TBXAS1: variants seen among roughly 807,000 people sequenced by gnomAD.
The protein encoded by TBXAS1 is thromboxane-A synthase.
A neutral mutation model predicts 60.7 loss-of-function variants in TBXAS1; 48 were observed. The observed-to-expected ratio is 0.79, with a 90% confidence interval of 0.63 to 1.01. The LOEUF (loss-of-function observed/expected upper bound fraction) is 1.01. Among genes scored for constraint, TBXAS1 ranks in the 50% least tolerant of loss-of-function variants. The probability of loss-of-function intolerance (pLI) is 0.00; values close to 1 mark genes in which losing one functional copy is unlikely to be tolerated. For synonymous variants in TBXAS1, 287 were observed against 269.7 expected (o/e 1.06, Z -0.63); for missense variants, 685 against 686.3 (o/e 1.00, Z 0.02).
intron 9 of TBXAS1, among the ~76,000 whole-genome samples, chr7:139,986,586 C>T (rs373722887): frequency 9.9e-5 from 15 of 151,602 alleles, no homozygotes; most frequent in Admixed American, 2.6e-4. Flanking sequence ...TCATAGCTCC[C>T]GCTTATGAGT....
chr7:139,801,751 C>T (rs1797730112), intron 4 of TBXAS1, among the ~76,000 whole-genome samples: 1 of 152,070 alleles, frequency 6.6e-6, no homozygotes, highest in Non-Finnish European at 1.5e-5. Context: ...AGTTTATTTA[C>T]AATTCTTCCA....
chr7:139,896,433 C>G lies in TBXAS1; in HGVS notation c.237-14792C>G, dbSNP rs1804100828. The stretch of plus-strand genomic sequence containing the variant: ...TGCACATCTGGGGAACCATAAATAA[C>G]TTTTTCACAGCAAGAATGAAAGGCT... On this transcript the variant is annotated intron_variant, in intron 3 of 12. Coordinates refer to ENST00000448866, the MANE Select transcript of TBXAS1 (RefSeq NM_001061.7). This position sits in a 1 kb window ranked among gnomAD's most constrained non-coding sequence, Gnocchi z 4.0. Among the ~76,000 whole-genome samples the G allele has an allele frequency of 6.6e-6, 1 of 152,138 alleles. No individual in the cohort carries two copies. The highest frequency in any genetic ancestry group is 1.5e-5 in the Non-Finnish European group (1 of 68,020).
chr7:139,888,392 C>T (rs1277621158), intron 3 of TBXAS1, among the ~76,000 whole-genome samples: 3 of 152,222 alleles, frequency 2.0e-5, no homozygotes, highest in African/African-American at 7.2e-5. Flanking sequence ...TGGGTCTACA[C>T]TGTTCCTTCT....
intron 3 of TBXAS1, among the ~76,000 whole-genome samples, chr7:139,784,655 G>A (rs1327978832): frequency 1.3e-5 from 2 of 152,148 alleles, no homozygotes; most frequent in Non-Finnish European, 2.9e-5. Flanking sequence ...CCGAGACAGT[G>A]GTCAGGAATG....
At chr7:139,918,932 A>T (rs1806214491) in intron 4 of TBXAS1, among the ~76,000 whole-genome samples, 1 of 152,146 alleles carries the variant, frequency 6.6e-6, no homozygotes, top group Admixed American at 6.5e-5. Flanking sequence ...TGACATGTAG[A>T]AGAGTAAGAC....
chr7:140,001,248 G>A (rs1041646606), intron 9 of TBXAS1, among the ~76,000 whole-genome samples: 1 of 152,168 alleles, frequency 6.6e-6, no homozygotes, highest in Non-Finnish European at 1.5e-5. Flanking sequence ...GGCTTTTCAT[G>A]TTATCTTTTG....
At chr7:139,915,714 A>G (rs1805912725) in intron 4 of TBXAS1, among the ~76,000 whole-genome samples, 1 of 152,224 alleles carries the variant, frequency 6.6e-6, no homozygotes, top group African/African-American at 2.4e-5. Context: ...GTGATGCAAC[A>G]GGGAGCTCCC....
At chr7:139,814,070 C>T (rs2116411928) in intron 4 of TBXAS1, among the ~76,000 whole-genome samples, 1 of 152,278 alleles carries the variant, frequency 6.6e-6, no homozygotes, top group Non-Finnish European at 1.5e-5. Flanking sequence ...AATGAAGCAC[C>T]CCACTGTCCA....
At chr7:139,985,365 A>T (rs1812370245) in intron 9 of TBXAS1, among the ~76,000 whole-genome samples, 1 of 152,204 alleles carries the variant, frequency 6.6e-6, no homozygotes, top group South Asian at 2.1e-4. Context: ...CTTGAATGGC[A>T]GCGAACCCTG....
At chr7:139,961,639 C>T (rs1203860005) in intron 8 of TBXAS1, among the ~76,000 whole-genome samples, 1 of 152,232 alleles carries the variant, frequency 6.6e-6, no homozygotes, top group Non-Finnish European at 1.5e-5. Flanking sequence ...GGCTCAATGA[C>T]TTTCACATCA....
At chr7:139,961,125 G>C (rs948199517) in intron 8 of TBXAS1, among the ~76,000 whole-genome samples, 6 of 152,188 alleles carry the variant, frequency 3.9e-5, no homozygotes, top group African/African-American at 1.4e-4. Flanking sequence ...CTACTTAAAC[G>C]GGGGCAGGGG....
At chr7:139,891,590 T>C (rs1194724648) in intron 3 of TBXAS1, among the ~76,000 whole-genome samples, 1 of 152,220 alleles carries the variant, frequency 6.6e-6, no homozygotes. Flanking sequence ...ACGTTTGCCA[T>C]AACAATACGT....
chr7:139,947,348 A>T (rs1486841476), intron 5 of TBXAS1, among the ~76,000 whole-genome samples: 1 of 152,146 alleles, frequency 6.6e-6, no homozygotes, highest in African/African-American at 2.4e-5. Flanking sequence ...CTCACTTACA[A>T]GTGGGAGCTG....
At chr7:139,942,634 A>G (rs1808381518) in intron 5 of TBXAS1, among the ~76,000 whole-genome samples, 1 of 152,220 alleles carries the variant, frequency 6.6e-6, no homozygotes, top group Non-Finnish European at 1.5e-5. Flanking sequence ...GATATGGGAG[A>G]CAATGAATCT....
chr7:139,784,549 C>T (rs2117228125), intron 3 of TBXAS1, among the ~76,000 whole-genome samples: 1 of 152,280 alleles, frequency 6.6e-6, no homozygotes, highest in Middle Eastern at 3.4e-3. Context: ...GTGCCTGGCA[C>T]TGCGAGTTCT....
chr7:139,872,323 C>T lies in TBXAS1; in HGVS notation c.178C>T (p.Arg60Cys), dbSNP rs143035930. Residue 60 changes from arginine to cysteine, a missense_variant, in exon 2 of 13, where the codon CGC becomes TGC. Physicochemically the swap from Arg to Cys is radical, Grantham distance 180 (BLOSUM62 -3). Coordinates refer to ENST00000448866, the MANE Select transcript of TBXAS1 (RefSeq NM_001061.7). ...SPFIGNLTFF[R>C]QGFWESQMEL... ...TTTCATTGGAAACTTGACATTTTTCCGCCAGGTAAGGGCTGTCTTCCATTG... is the reference window on the plus strand; with the variant it reads ...TTTCATTGGAAACTTGACATTTTTCTGCCAGGTAAGGGCTGTCTTCCATTG... 88 of 1,613,692 alleles carry T rather than the reference C, an allele frequency of 5.5e-5. No individual in the cohort carries two copies. The highest frequency in any genetic ancestry group is 1.7e-4 in the African/African-American group (13 of 75,014).
At chr7:139,878,262 A>T (rs80195442) in intron 3 of TBXAS1, among the ~76,000 whole-genome samples, 2,302 of 152,074 alleles carry the variant, frequency 0.015, 32 homozygotes, top group African/African-American at 0.033. Flanking sequence ...GGAGAGAGAG[A>T]GGTGGAGCGA....
Position 139,872,229 on chromosome 7 carries a change from C to T in TBXAS1, c.90-6C>T. The T allele has an allele frequency of 6.2e-7, 1 of 1,613,436 alleles. No individual in the cohort carries two copies. The highest frequency in any genetic ancestry group is 8.5e-7 in the Non-Finnish European group (1 of 1,179,430). On this transcript the variant is annotated splice_polypyrimidine_tract_variant and splice_region_variant and intron_variant, in intron 1 of 12. Coordinates refer to ENST00000448866, the MANE Select transcript of TBXAS1 (RefSeq NM_001061.7). Reference sequence around the variant, plus strand: ...CTCAGCTTTTGAAATCTGCTTTTCCCTCCAGGTACTCCACATCAGCATTCT... The same window carrying T: ...CTCAGCTTTTGAAATCTGCTTTTCCTTCCAGGTACTCCACATCAGCATTCT...
chr7:139,995,668 TGTA>T (rs776106719), intron 9 of TBXAS1, among the ~76,000 whole-genome samples: 2 of 152,194 alleles, frequency 1.3e-5, no homozygotes, highest in Non-Finnish European at 2.9e-5. Flanking sequence ...ATTGTGAAGT[TGTA>T]GTCCTTTGAA....
Sources: allele counts gnomAD v4.1 joint callset (sites outside exome capture counted in the v4.1 genomes callset), GRCh38; gene constraint gnomAD v4.1.1; non-coding constraint Gnocchi (gnomAD v3.1); transcripts MANE v1.5; gene names NCBI Gene and HGNC (gene_info 2026-07-23, HGNC 2026-07-21).